The following DOCK4 variants were observed in gnomAD, a reference collection of about 807,000 sequenced individuals.
DOCK4 encodes dedicator of cytokinesis protein 4.
In DOCK4, 97 loss-of-function variants were observed where a neutral mutation model predicts 268.1. That is an observed-to-expected ratio of 0.36 (90% CI 0.31 to 0.43). DOCK4 has a LOEUF of 0.43. DOCK4 is among the 20% of genes least tolerant of loss of function. DOCK4 has a pLI of 1.00. For missense variants in DOCK4, 2,145 were observed against 2,455.7 expected, an observed-to-expected ratio of 0.87 and a Z score of 2.67; for synonymous variants, 954 against 887.2, an observed-to-expected ratio of 1.08 and a Z score of -1.34.
chr7:111,754,337 G>A (rs1173452408), intron 42 of DOCK4, among the ~76,000 whole-genome samples: 9 of 152,178 alleles, frequency 5.9e-5, no homozygotes, highest in East Asian at 3.9e-4. Flanking sequence ...ATGATAGGCC[G>A]AGAGTAGTTT....
rs899187466 is a variant in DOCK4 at position 111,918,283 on chromosome 7, A to T, written c.1067-2379T>A. Among the ~76,000 whole-genome samples the T allele has an allele frequency of 5.3e-5, 8 of 152,272 alleles. No homozygotes were observed. In the East Asian group the frequency reaches 1.5e-3, roughly 29 times the overall value. ...CAAGAGCTGTCGCGAGAATTACATTAAGTCTGGCACATCCTCAGAACTTCA... is the reference window on the plus strand; with the variant it reads ...CAAGAGCTGTCGCGAGAATTACATTTAGTCTGGCACATCCTCAGAACTTCA... On this transcript the variant is annotated intron_variant, in intron 12 of 52. Coordinates refer to ENST00000428084, the MANE Select transcript of DOCK4 (RefSeq NM_001363540.2).
At chr7:112,064,463 C>A (rs1806739103) in intron 1 of DOCK4, among the ~76,000 whole-genome samples, 2 of 152,158 alleles carry the variant, frequency 1.3e-5, no homozygotes. Context: ...AAGCCAGCTC[C>A]ATATCACTTA....
chr7:111,958,651 T>G (rs535868840), intron 8 of DOCK4, among the ~76,000 whole-genome samples: 1 of 152,284 alleles, frequency 6.6e-6, no homozygotes, highest in South Asian at 2.1e-4. Flanking sequence ...AAGTCAGTTC[T>G]GAGTTCACAC....
At chr7:111,836,360 A>C (rs1048757780) in intron 25 of DOCK4, among the ~76,000 whole-genome samples, 10 of 152,164 alleles carry the variant, frequency 6.6e-5, no homozygotes, top group African/African-American at 2.2e-4. Flanking sequence ...AGCAAGACCT[A>C]AAATGATCAA....
rs114310167 is a variant in DOCK4, at chr7:111,850,258, C to A, written c.2474-3132G>T. On this transcript the variant is annotated intron_variant, in intron 23 of 52. Transcript: ENST00000428084. ...TCTGATCACCTTGCCCTGTCCTCAG[C>A]GAGAATCCTGTTAGGTCACTTTAAC... is the stretch of plus-strand genomic sequence containing the variant. 7.5e-3 allele frequency among the ~76,000 whole-genome samples: 1,142 copies of A among 152,200 alleles called. 17 individuals carry two copies. Among genetic ancestry groups the A allele is most frequent in the African/African-American group, 0.027 (1,103 of 41,520 alleles).
intron 47 of DOCK4, among the ~76,000 whole-genome samples, chr7:111,740,406 A>G (rs746938550): frequency 1.1e-4 from 16 of 149,952 alleles, no homozygotes; most frequent in Non-Finnish European, 2.2e-4. Flanking sequence ...TAGCCAAATC[A>G]TGTCTTCTTA....
chr7:112,154,145 T>A (rs931794238), intron 1 of DOCK4, among the ~76,000 whole-genome samples: 1 of 152,050 alleles, frequency 6.6e-6, no homozygotes, highest in African/African-American at 2.4e-5. Flanking sequence ...CTCATTTTTT[T>A]ATTTTTTGTA....
intron 50 of DOCK4, among the ~76,000 whole-genome samples, chr7:111,736,473 A>G (rs1261407643): frequency 6.6e-6 from 1 of 152,160 alleles, no homozygotes; most frequent in Non-Finnish European, 1.5e-5. Context: ...CTTAAATGGT[A>G]TTTAATTGTA....
chr7:112,120,911 T>G (rs920211933), intron 1 of DOCK4, among the ~76,000 whole-genome samples: 2 of 152,204 alleles, frequency 1.3e-5, no homozygotes, highest in Non-Finnish European at 2.9e-5. Context: ...GTTAGGTCAC[T>G]GCAGTCATTT....
intron 39 of DOCK4, among the ~76,000 whole-genome samples, chr7:111,763,624 A>G (rs891398198): frequency 7.2e-5 from 11 of 152,084 alleles, no homozygotes; most frequent in African/African-American, 2.7e-4. Flanking sequence ...TCTGCCAACA[A>G]TGTCATGTCT....
Position 111,844,863 on chromosome 7 carries a change from A to G in DOCK4, c.2636T>C (p.Val879Ala). 6.2e-7 allele frequency: 1 copy of G among 1,613,422 alleles called. No individual in the cohort carries two copies. The highest frequency in any genetic ancestry group is 1.3e-5 in the African/African-American group (1 of 75,020). ...KSVLEEIDVI[V>A]ASLLDILLRT... ...CAGCAGAATATCCAGCAAGCTGGCCACTATCACATCTATTTCCTCCAGCAC... is the reference window on the plus strand; with the variant it reads ...CAGCAGAATATCCAGCAAGCTGGCCGCTATCACATCTATTTCCTCCAGCAC... The change falls in exon 25 of 53, where the codon GTG (valine) becomes GCG (alanine). Residue 879 changes from valine (V) to alanine (A), a missense_variant. Physicochemically the swap from Val to Ala is moderately conservative, Grantham distance 64. Around this residue, in one of 2 missense-constraint regions of DOCK4, gnomAD observed 1,598 missense variants for 1,986.7 expected, o/e 0.80. Coordinates refer to ENST00000428084, the MANE Select transcript of DOCK4 (RefSeq NM_001363540.2).
chr7:111,991,487 T>A (rs1799519042), intron 5 of DOCK4, among the ~76,000 whole-genome samples: 1 of 152,130 alleles, frequency 6.6e-6, no homozygotes, highest in South Asian at 2.1e-4. Flanking sequence ...ATCAAGAGAT[T>A]CTGGAAACAT....
chr7:112,205,961 G>C (rs1270441031), intron 1 of DOCK4, 141 bp downstream of exon 1: 42 of 947,382 alleles, frequency 4.4e-5, no homozygotes, highest in Non-Finnish European at 6.5e-5. Context: ...GAGCTGGCTC[G>C]GCAAAGCCCC....
At chr7:111,742,442 T>C (rs3757647) in intron 44 of DOCK4, among the ~76,000 whole-genome samples, 90,365 of 151,960 alleles carry the variant, frequency 0.59, 27,566 homozygotes, top group Non-Finnish European at 0.67. Context: ...TTATGTGTCC[T>C]TTTGGCCCCT....
chr7:111,773,903 A>G (rs1459926993), intron 36 of DOCK4, among the ~76,000 whole-genome samples: 3 of 152,020 alleles, frequency 2.0e-5, no homozygotes, highest in African/African-American at 7.2e-5. Context: ...TGTGGTCCCA[A>G]CTACCTGGGA....
intron 22 of DOCK4, among the ~76,000 whole-genome samples, chr7:111,864,640 G>A (rs905155154): frequency 4.6e-5 from 7 of 152,056 alleles, no homozygotes; most frequent in Non-Finnish European, 8.8e-5. Context: ...TGATGCCAGC[G>A]CCATCAAAAT....
chr7:111,832,943 A>T (rs767621095), intron 26 of DOCK4, among the ~76,000 whole-genome samples: 2 of 152,252 alleles, frequency 1.3e-5, no homozygotes, highest in Non-Finnish European at 2.9e-5. Flanking sequence ...ATTACTGCTA[A>T]CATGAATACC....
At chr7:111,905,787 C>T (rs1389014821) in intron 13 of DOCK4, among the ~76,000 whole-genome samples, 1 of 151,384 alleles carries the variant, frequency 6.6e-6, no homozygotes, top group Non-Finnish European at 1.5e-5. Flanking sequence ...AATTTCCTGT[C>T]CTTTAGTTTT....
chr7:112,007,129 G>A (rs1800924855), intron 1 of DOCK4, among the ~76,000 whole-genome samples: 1 of 152,122 alleles, frequency 6.6e-6, no homozygotes, highest in Non-Finnish European at 1.5e-5. Context: ...GGGTCCATGT[G>A]GAATACAATT....
Sources: allele counts gnomAD v4.1 joint callset (sites outside exome capture counted in the v4.1 genomes callset), GRCh38; gene constraint gnomAD v4.1.1; regional missense constraint gnomAD v4.1.1; transcripts MANE v1.5; gene names NCBI Gene and HGNC (gene_info 2026-07-23, HGNC 2026-07-21).